Variants in BMPR1A observed in about 807,000 individuals in gnomAD.
BMPR1A encodes the protein bone morphogenetic protein receptor type 1A.
A neutral mutation model predicts 66.0 loss-of-function variants in BMPR1A; 7 were observed. The observed-to-expected ratio is 0.11, with a 90% CI of 0.06 to 0.20. The LOEUF (loss-of-function observed/expected upper bound fraction) is 0.20, where lower values mean the gene tolerates loss of function less well. Ranked by LOEUF, BMPR1A falls within the 10% of genes least tolerant of loss-of-function variation. The pLI, the probability that BMPR1A is intolerant of heterozygous loss-of-function variation, is 1.00. For missense variants in BMPR1A, 408 were observed against 669.1 expected, an observed-to-expected ratio of 0.61 and a Z score of 4.31; for synonymous variants, 200 against 229.7, an observed-to-expected ratio of 0.87 and a Z score of 1.17.
In BMPR1A at chr10:86,763,892, G is replaced by A. The variant is rs557522735; in HGVS notation, c.-268+6973G>A. 1.5e-4 allele frequency among the ~76,000 whole-genome samples: 22 copies of A among 147,878 alleles called. 1 individual carries two copies. Among genetic ancestry groups the A allele is most frequent in the South Asian group, 8.7e-4 (4 of 4,580 alleles). On this transcript the variant is annotated intron_variant, in intron 1 of 12. Coordinates refer to ENST00000372037, the MANE Select transcript of BMPR1A (RefSeq NM_004329.3). ...TGCAAGCTCTGCCTCCCGGGTTCAC[G>A]CCATTCTCCTGCCTCAGCCTCCTGA...
intron 5 of BMPR1A, among the ~76,000 whole-genome samples, chr10:86,898,859 T>C (rs1843267102): frequency 6.6e-6 from 1 of 152,164 alleles, no homozygotes; most frequent in Non-Finnish European, 1.5e-5. Flanking sequence ...CCTAACTTTT[T>C]TCTCTCTCTC....
At chr10:86,788,238 A>G (rs1841546711) in intron 1 of BMPR1A, among the ~76,000 whole-genome samples, 3 of 152,368 alleles carry the variant, frequency 2.0e-5, no homozygotes, top group Non-Finnish European at 4.4e-5. Context: ...CCGTTAGAGC[A>G]TACATTGAAT....
chr10:86,870,738 A>G (rs925615379), intron 2 of BMPR1A, among the ~76,000 whole-genome samples: 1 of 151,792 alleles, frequency 6.6e-6, no homozygotes, highest in African/African-American at 2.4e-5. Flanking sequence ...TTATTTTTGA[A>G]GTATAGCATG....
rs542762009 is a variant in BMPR1A at position 86,793,840 on chromosome 10, C to T, written c.-268+36921C>T. Among the ~76,000 whole-genome samples the T allele has an allele frequency of 3.9e-5, 6 of 152,242 alleles. No homozygotes were observed. In the East Asian group the frequency reaches 9.6e-4, roughly 24 times the overall value. On this transcript the variant is annotated intron_variant, in intron 1 of 12. Transcript: ENST00000372037. ...GCTAAGATGCAGGTGTCTACAGGGC[C>T]GTGTTCCTTTCGGGAAGTTCTAAGG... is the stretch of plus-strand genomic sequence containing the variant.
At chr10:86,909,634 T>C (rs1418620902) in intron 7 of BMPR1A, among the ~76,000 whole-genome samples, 1 of 150,976 alleles carries the variant, frequency 6.6e-6, no homozygotes, top group Non-Finnish European at 1.5e-5. Flanking sequence ...AAATATTAAA[T>C]AAGCTTCAAA....
rs1456373085 is a variant in BMPR1A, at chr10:86,790,178, AAAAAAAAAAAATATATAT to A, written c.-268+33261_-268+33278del. ...CTCTGTCTCCAAAAAAAAAAAAAAA[AAAAAAAAAAAATATATAT>A]ATATATATATATATATATATATATA... On this transcript the variant is annotated intron_variant, in intron 1 of 12. Coordinates refer to ENST00000372037, the MANE Select transcript of BMPR1A (RefSeq NM_004329.3). 1.3e-3 allele frequency among the ~76,000 whole-genome samples: 54 copies of A among 40,294 alleles called. 3 individuals are homozygous for A. Among genetic ancestry groups the A allele is most frequent in the South Asian group, 4.0e-3 (5 of 1,254 alleles). The allele number at this position is 40,294 out of a possible 152,430, so 26.4% of individuals were successfully genotyped here.
chr10:86,876,695 C>A (rs1198978603), intron 3 of BMPR1A, among the ~76,000 whole-genome samples: 1 of 152,098 alleles, frequency 6.6e-6, no homozygotes, highest in Non-Finnish European at 1.5e-5. Flanking sequence ...CACTTGAACC[C>A]CGGGAGGTGG....
intron 1 of BMPR1A, among the ~76,000 whole-genome samples, chr10:86,803,656 T>C (rs1234723146): frequency 6.6e-6 from 1 of 152,230 alleles, no homozygotes; most frequent in Admixed American, 6.5e-5. Context: ...TGGATCTACT[T>C]TTGGTCTTTT....
intron 8 of BMPR1A, among the ~76,000 whole-genome samples, chr10:86,915,328 G>A (rs530638216): frequency 6.6e-5 from 10 of 152,208 alleles, no homozygotes; most frequent in Admixed American, 5.2e-4. Context: ...ACCACGCCTG[G>A]CCAAAAAGTG....
At chr10:86,779,154 C>T (rs7096781) in intron 1 of BMPR1A, among the ~76,000 whole-genome samples, 1 of 151,900 alleles carries the variant, frequency 6.6e-6, no homozygotes, top group Non-Finnish European at 1.5e-5. Flanking sequence ...TTAGATGTCC[C>T]GTTTGTCTAA....
chr10:86,896,631 G>A (rs1461563958), intron 5 of BMPR1A, among the ~76,000 whole-genome samples: 2 of 152,050 alleles, frequency 1.3e-5, no homozygotes, highest in Non-Finnish European at 2.9e-5. Context: ...ATGATAATGG[G>A]TATCAAATTG....
intron 2 of BMPR1A, among the ~76,000 whole-genome samples, chr10:86,867,923 A>G (rs915190029): frequency 6.6e-6 from 1 of 152,186 alleles, no homozygotes; most frequent in Non-Finnish European, 1.5e-5. Context: ...CAGAAATACA[A>G]AGGTTAAATG....
chr10:86,795,495 T>C (rs1277348787), intron 1 of BMPR1A, among the ~76,000 whole-genome samples: 1 of 152,114 alleles, frequency 6.6e-6, no homozygotes, highest in East Asian at 1.9e-4. Flanking sequence ...TTTGGGAGGT[T>C]AAATTACTTT....
downstream of BMPR1A, chr10:86,932,283 C>G (rs1008953590): frequency 6.6e-6 from 1 of 152,212 alleles, no homozygotes; most frequent in Non-Finnish European, 1.5e-5. Context: ...GTACAATTAT[C>G]AGAACCAGGA....
At chr10:86,850,766 A>G (rs1021383397) in intron 2 of BMPR1A, among the ~76,000 whole-genome samples, 2 of 152,024 alleles carry the variant, frequency 1.3e-5, no homozygotes, top group African/African-American at 4.8e-5. Context: ...TAAAGTGCTG[A>G]GATGGATTAC....
In BMPR1A at chr10:86,762,292, A is replaced by G. The variant is rs960075595; in HGVS notation, c.-268+5373A>G. On this transcript the variant is annotated intron_variant, in intron 1 of 12. Coordinates refer to ENST00000372037, the MANE Select transcript of BMPR1A (RefSeq NM_004329.3). ...TATAGGTTATAGAATTACAGGTTAT[A>G]GGTTATAGACCTCGTATCGAGAACT... Among the ~76,000 whole-genome samples, 8 of 152,236 alleles carry G rather than the reference A, an allele frequency of 5.3e-5. No homozygotes were observed. The South Asian group carries it at 8.3e-4, about 16-fold the overall frequency.
In BMPR1A at chr10:86,915,547, G is replaced by A. The variant is rs548921501; in HGVS notation, c.676-1587G>A. On this transcript the variant is annotated intron_variant, in intron 8 of 12. Transcript: ENST00000372037. ...TGTTCGAGACCAGTCTGGCCAACATGGTGAAACCCTGTCTCTACTAAAAAT... is the reference window on the plus strand; with the variant it reads ...TGTTCGAGACCAGTCTGGCCAACATAGTGAAACCCTGTCTCTACTAAAAAT... 9.9e-5 allele frequency among the ~76,000 whole-genome samples: 15 copies of A among 152,038 alleles called. 1 individual carries two copies. The highest frequency in any genetic ancestry group is 3.3e-4 in the Admixed American group (5 of 15,260).
Position 86,764,100 on chromosome 10 carries a change from A to G in BMPR1A, c.-268+7181A>G, listed in dbSNP as rs949390005. 2.0e-5 allele frequency among the ~76,000 whole-genome samples: 3 copies of G among 152,166 alleles called. 1 individual carries two copies. The South Asian group carries it at 6.2e-4, about 32-fold the overall frequency. On this transcript the variant is annotated intron_variant, in intron 1 of 12. Transcript: ENST00000372037. Reference sequence around the variant, plus strand: ...GCCACCACATCTGGCTGACTTGGATAGTTTTGATACTGTTTTATGTATATT... The same window carrying G: ...GCCACCACATCTGGCTGACTTGGATGGTTTTGATACTGTTTTATGTATATT...
At position 86,897,621 on chromosome 10, in the gene BMPR1A, T is replaced by C. The variant is rs116709445; in HGVS notation, c.334-2173T>C. Among the ~76,000 whole-genome samples, 636 of 152,306 alleles carry C rather than the reference T, an allele frequency of 4.2e-3. 7 individuals are homozygous for C. The highest frequency in any genetic ancestry group is 0.014 in the African/African-American group (601 of 41,556). On this transcript the variant is annotated intron_variant, in intron 5 of 12. Coordinates refer to ENST00000372037, the MANE Select transcript of BMPR1A (RefSeq NM_004329.3). ...CCAACTACTCTATAGAGCAGATTTTTTTAAAGACAGGGTATTGCTCCATCA... is the reference window on the plus strand; with the variant it reads ...CCAACTACTCTATAGAGCAGATTTTCTTAAAGACAGGGTATTGCTCCATCA...
Sources: allele counts gnomAD v4.1 joint callset (sites outside exome capture counted in the v4.1 genomes callset), GRCh38; gene constraint gnomAD v4.1.1; transcripts MANE v1.5; gene names NCBI Gene and HGNC (gene_info 2026-07-23, HGNC 2026-07-21).